Variants in CACNA1E observed in about 807,000 individuals in gnomAD.
CACNA1E encodes the protein voltage-dependent R-type calcium channel subunit alpha-1E.
Under a neutral mutation model 259.2 loss-of-function variants are expected in CACNA1E, and 40 were observed. The ratio of observed to expected loss-of-function variants is 0.15; its 90% CI spans 0.12 to 0.20. The LOEUF is 0.20. Ranked by LOEUF, CACNA1E falls within the 10% of genes least tolerant of loss-of-function variation. The pLI, the probability that CACNA1E is intolerant of heterozygous loss-of-function variation, is 1.00. For missense variants in CACNA1E, 1,874 were observed against 3,040.1 expected (o/e 0.62, Z 9.02); for synonymous variants, 1,104 against 1,138.5 (o/e 0.97, Z 0.61).
chr1:181,663,042 C>G (rs998245908), intron 7 of CACNA1E, among the ~76,000 whole-genome samples: 2 of 152,186 alleles, frequency 1.3e-5, no homozygotes, highest in African/African-American at 2.4e-5. Context: ...CTATACCCCC[C>G]AATCTCATTT....
intron 3 of CACNA1E, among the ~76,000 whole-genome samples, chr1:181,550,905 C>G (rs1233460274): frequency 6.6e-6 from 1 of 151,956 alleles, no homozygotes; most frequent in Non-Finnish European, 1.5e-5. Context: ...GCTCTGAGCC[C>G]CTTGGAAGGC....
At chr1:181,555,782 A>C (rs1336830690) in intron 3 of CACNA1E, among the ~76,000 whole-genome samples, 2 of 152,220 alleles carry the variant, frequency 1.3e-5, no homozygotes, top group Non-Finnish European at 2.9e-5. Context: ...CTATGTTGTA[A>C]TCATATGTGC....
In CACNA1E at chr1:181,802,927, T is replaced by C. The variant is rs1193979295; in HGVS notation, c.*4093T>C. On this transcript the variant is annotated 3_prime_UTR_variant, in exon 48 of 48. Transcript: ENST00000367573. The stretch of plus-strand genomic sequence containing the variant: ...TCTCGGCTCATTTATAAGATATAAA[T>C]ATTATGAGGTTGTATGTAAAGAAAG... 6.6e-6 allele frequency: 1 copy of C among 152,122 alleles called. No homozygotes were observed. Among genetic ancestry groups the C allele is most frequent in the Non-Finnish European group, 1.5e-5 (1 of 68,034 alleles). The allele number at this position is 152,122 out of a possible 1,614,324, so 9.4% of individuals were successfully genotyped here. A position where few individuals can be genotyped will look rare whatever the true frequency, so the allele number is the denominator to read the frequency against.
At chr1:181,676,510 A>C (rs1389207840) in intron 7 of CACNA1E, among the ~76,000 whole-genome samples, 2 of 152,058 alleles carry the variant, frequency 1.3e-5, no homozygotes, top group East Asian at 3.9e-4. Flanking sequence ...CCACGAGACT[A>C]TCTAGGGTGT....
At chr1:181,467,850 A>T (rs1347974789) in intron 2 of CACNA1E, among the ~76,000 whole-genome samples, 1 of 152,208 alleles carries the variant, frequency 6.6e-6, no homozygotes, top group Non-Finnish European at 1.5e-5. Context: ...CCCAAGGGTC[A>T]TTTAGCAATG....
At chr1:181,735,952 A>G (rs1032498093) in intron 21 of CACNA1E, among the ~76,000 whole-genome samples, 1 of 152,236 alleles carries the variant, frequency 6.6e-6, no homozygotes, top group African/African-American at 2.4e-5. Context: ...TATAAAATCT[A>G]AACCTTGTGA....
chr1:181,445,731 G>A (rs780814003), intron 2 of CACNA1E, among the ~76,000 whole-genome samples: 12 of 152,228 alleles, frequency 7.9e-5, no homozygotes, highest in Non-Finnish European at 2.9e-5. Flanking sequence ...GTTAAAAATT[G>A]TAGCTCTTGA....
intron 27 of CACNA1E, among the ~76,000 whole-genome samples, chr1:181,753,510 G>A (rs1421882167): frequency 6.6e-6 from 1 of 152,192 alleles, no homozygotes; most frequent in African/African-American, 2.4e-5. Flanking sequence ...TGGGAAATGA[G>A]GACACATTGT....
chr1:181,331,213 G>GAGATAGAT lies in CACNA1E; in HGVS notation c.-15+13110_-15+13117dup, dbSNP rs57300831. On this transcript the variant is annotated intron_variant, in intron 1 of 11. Coordinates refer to the CACNA1E transcript ENST00000524607. ...GGTTCCCCAGAGAGAGAATCAATAGGAGATAGATAGATAGATAGATAGATA... is the reference window on the plus strand; with the variant it reads ...GGTTCCCCAGAGAGAGAATCAATAGGAGATAGATAGATAGATAGATAGATAGATAGATA... Among the ~76,000 whole-genome samples the GAGATAGAT allele has an allele frequency of 1.1e-3, 164 of 151,788 alleles. 1 individual carries two copies. Among genetic ancestry groups the GAGATAGAT allele is most frequent in the Middle Eastern group, 3.4e-3 (1 of 294 alleles).
chr1:181,641,715 T>TG lies in CACNA1E; in HGVS notation c.952-9623_952-9622insG, dbSNP rs1553308074. 2.7e-3 allele frequency among the ~76,000 whole-genome samples: 303 copies of TG among 114,072 alleles called. 9 individuals are homozygous for TG. In the East Asian group the frequency reaches 0.037, roughly 14 times the overall value. 74.8% of individuals were successfully genotyped at this position (114,072 alleles called of 152,430 possible). A position where few individuals can be genotyped will look rare whatever the true frequency, so the allele number is the denominator to read the frequency against. Reference sequence around the variant, plus strand: ...ACACTAATTTTTTGTTTTTTTTTTTTTTTTTTTTTTTTTTTTGAGACAGAG... The same window carrying TG: ...ACACTAATTTTTTGTTTTTTTTTTTTGTTTTTTTTTTTTTTTTGAGACAGAG... On this transcript the variant is annotated intron_variant, in intron 6 of 47. Transcript: ENST00000367573.
rs777239816 is a variant in CACNA1E at position 181,720,796 on chromosome 1, G to T, written c.1897G>T (p.Asp633Tyr). The T allele has an allele frequency of 5.0e-6, 8 of 1,604,222 alleles. No individual in the cohort carries two copies. The highest frequency in any genetic ancestry group is 6.8e-6 in the Non-Finnish European group (8 of 1,172,100). Reference sequence around the variant, plus strand: ...TTTGTTTTTCAGGTTTAACTTTAATGATGGGACTCCTTCGGCAAATTTTGA... The same window carrying T: ...TTTGTTTTTCAGGTTTAACTTTAATTATGGGACTCCTTCGGCAAATTTTGA... ...QLFGGRFNFN[D>Y]GTPSANFDTF... Residue 633 changes from aspartate (D) to tyrosine (Y), a missense_variant, in exon 15 of 48, where the codon GAT becomes TAT. Physicochemically the swap from Asp to Tyr is radical, Grantham distance 160. Coordinates refer to ENST00000367573, the MANE Select transcript of CACNA1E (RefSeq NM_001205293.3).
chr1:181,577,790 C>T lies in CACNA1E; in HGVS notation c.537C>T (p.His179=). Reference sequence around the variant, plus strand: ...GCATCCTGGCCACTGCAGGAACCCACTTCAATACTCACGTGGACCTGAGGA... The same window carrying T: ...GCATCCTGGCCACTGCAGGAACCCATTTCAATACTCACGTGGACCTGAGGA... ...LSGILATAGT[H]FNTHVDLRTL... The change falls in exon 4 of 48, where the codon CAC becomes CAT. Residue 179 remains histidine, a synonymous_variant. Transcript: ENST00000367573. 6.2e-7 allele frequency: 1 copy of T among 1,610,312 alleles called. No homozygotes were observed. Among genetic ancestry groups the T allele is most frequent in the Non-Finnish European group, 8.5e-7 (1 of 1,178,264 alleles).
chr1:181,522,971 G>A (rs558840774), intron 3 of CACNA1E, among the ~76,000 whole-genome samples: 1 of 152,236 alleles, frequency 6.6e-6, no homozygotes, highest in South Asian at 2.1e-4. Flanking sequence ...ATCCTTCCCT[G>A]TTTTCATTTT....
At chr1:181,652,328 G>T (rs752820218) in intron 7 of CACNA1E, among the ~76,000 whole-genome samples, 13 of 152,062 alleles carry the variant, frequency 8.5e-5, no homozygotes, top group Non-Finnish European at 1.6e-4. Flanking sequence ...TGTCAGAGTG[G>T]CATACGTTCT....
At chr1:181,709,804 A>C (rs993425965) in intron 7 of CACNA1E, among the ~76,000 whole-genome samples, 2 of 152,094 alleles carry the variant, frequency 1.3e-5, no homozygotes, top group African/African-American at 2.4e-5. Context: ...GCAGCTCTTT[A>C]TGGGGATCAC....
At chr1:181,631,400 T>C (rs1028690919) in intron 6 of CACNA1E, among the ~76,000 whole-genome samples, 1 of 152,138 alleles carries the variant, frequency 6.6e-6, no homozygotes, top group East Asian at 1.9e-4. Flanking sequence ...TATCATCTGC[T>C]ATGCCTTGAA....
intron 29 of CACNA1E, among the ~76,000 whole-genome samples, chr1:181,756,600 C>G (rs1658109182): frequency 6.6e-6 from 1 of 152,178 alleles, no homozygotes; most frequent in South Asian, 2.1e-4. Flanking sequence ...GACTAAGACA[C>G]CACTCTCTAG....
intron 3 of CACNA1E, among the ~76,000 whole-genome samples, chr1:181,513,708 G>T (rs899322004): frequency 2.0e-5 from 3 of 152,162 alleles, no homozygotes; most frequent in Non-Finnish European, 4.4e-5. Context: ...CATGGTTGTT[G>T]AAGAAGCAGA....
rs111386205 is a variant in CACNA1E at position 181,390,190 on chromosome 1, C to T, written c.-14-22943C>T. 9.1e-3 allele frequency among the ~76,000 whole-genome samples: 1,384 copies of T among 152,296 alleles called. 16 individuals carry two copies. Among genetic ancestry groups the T allele is most frequent in the African/African-American group, 0.023 (950 of 41,556 alleles). On this transcript the variant is annotated intron_variant, in intron 1 of 11. Coordinates refer to the CACNA1E transcript ENST00000524607. ...GTGGGAGGGGGCTTAAGCCACCTTC[C>T]CAAGGGAACAGGATCAGCGATGGCG...
Sources: allele counts gnomAD v4.1 joint callset (sites outside exome capture counted in the v4.1 genomes callset), GRCh38; gene constraint gnomAD v4.1.1; transcripts MANE v1.5; gene names NCBI Gene and HGNC (gene_info 2026-07-23, HGNC 2026-07-21).